KDM4C: variants seen among roughly 807,000 people sequenced by gnomAD.
The protein encoded by KDM4C is lysine-specific demethylase 4C.
A neutral mutation model predicts 129.3 loss-of-function variants in KDM4C; 81 were observed. The ratio of observed to expected loss-of-function variants is 0.63; its 90% confidence interval spans 0.52 to 0.75. KDM4C has a LOEUF of 0.75. Among genes scored for constraint, KDM4C ranks in the 30% least tolerant of loss-of-function variants. The pLI is 0.00. For synonymous variants in KDM4C, 573 were observed against 456.1 expected (o/e 1.26, Z -3.26); for missense variants, 1,457 against 1,304.0 (o/e 1.12, Z -1.81).
chr9:6,960,945 C>G (rs557117348), intron 8 of KDM4C, among the ~76,000 whole-genome samples: 1 of 152,178 alleles, frequency 6.6e-6, no homozygotes, highest in African/African-American at 2.4e-5. Flanking sequence ...AAAATGACAT[C>G]CATACACGCA....
chr9:6,845,997 A>T (rs1271039778), intron 4 of KDM4C, among the ~76,000 whole-genome samples: 1 of 152,178 alleles, frequency 6.6e-6, no homozygotes, highest in Non-Finnish European at 1.5e-5. Flanking sequence ...CTGCTTTTAC[A>T]CTAAATCATT....
intron 5 of KDM4C, among the ~76,000 whole-genome samples, chr9:6,871,029 G>T (rs528373415): frequency 1.2e-3 from 180 of 152,288 alleles, no homozygotes; most frequent in African/African-American, 4.1e-3. Flanking sequence ...TGTGACAGAC[G>T]TCTGGGCAGT....
At chr9:7,100,729 C>G (rs935263515) in intron 17 of KDM4C, among the ~76,000 whole-genome samples, 5 of 152,060 alleles carry the variant, frequency 3.3e-5, no homozygotes, top group African/African-American at 1.2e-4. Context: ...GTTTCTGCTG[C>G]TTTTAATTAT....
chr9:6,874,993 A>G (rs1041668063), intron 5 of KDM4C, among the ~76,000 whole-genome samples: 11 of 151,662 alleles, frequency 7.3e-5, no homozygotes, highest in Admixed American at 3.3e-4. Flanking sequence ...TGGGAGTTTG[A>G]CTGAAGTAGA....
chr9:6,945,482 C>A (rs1357241850), intron 8 of KDM4C, among the ~76,000 whole-genome samples: 1 of 152,048 alleles, frequency 6.6e-6, no homozygotes, highest in Non-Finnish European at 1.5e-5. Context: ...ATCTTGAACT[C>A]ATGATTAGGG....
intron 1 of KDM4C, among the ~76,000 whole-genome samples, chr9:6,745,283 G>A (rs932489906): frequency 6.6e-6 from 1 of 152,008 alleles, no homozygotes; most frequent in Non-Finnish European, 1.5e-5. Context: ...ATTTCCATCA[G>A]TATTTGTTAT....
chr9:7,120,345 G>C lies in KDM4C; in HGVS notation c.2611-7721G>C, dbSNP rs142028702. Among the ~76,000 whole-genome samples the C allele has an allele frequency of 3.7e-3, 569 of 152,154 alleles. 3 individuals carry two copies. The highest frequency in any genetic ancestry group is 0.013 in the African/African-American group (546 of 41,504). ...AATTTGGCTATTTATTTCAACATTGGTAGTCTTAGGAAAGCTAGAGAGTTT... is the reference window on the plus strand; with the variant it reads ...AATTTGGCTATTTATTTCAACATTGCTAGTCTTAGGAAAGCTAGAGAGTTT... On this transcript the variant is annotated intron_variant, in intron 18 of 21. Transcript: ENST00000381309.
intron 8 of KDM4C, among the ~76,000 whole-genome samples, chr9:6,970,643 C>T (rs993043064): frequency 2.6e-5 from 4 of 152,108 alleles, no homozygotes; most frequent in Non-Finnish European, 5.9e-5. Context: ...TTATATGGAT[C>T]AGGTGTGATA....
chr9:6,949,713 G>C (rs1211697959), intron 8 of KDM4C, among the ~76,000 whole-genome samples: 1 of 152,138 alleles, frequency 6.6e-6, no homozygotes, highest in Non-Finnish European at 1.5e-5. Context: ...GTGGCGGCGC[G>C]CGCCTGCAAT....
chr9:6,882,821 C>T (rs1844677751), intron 6 of KDM4C, among the ~76,000 whole-genome samples: 1 of 151,746 alleles, frequency 6.6e-6, no homozygotes, highest in Admixed American at 6.6e-5. Context: ...TGTGCACGTG[C>T]ACGCACATTG....
chr9:6,923,520 A>C (rs1234833833), intron 8 of KDM4C, among the ~76,000 whole-genome samples: 1 of 152,182 alleles, frequency 6.6e-6, no homozygotes, highest in Non-Finnish European at 1.5e-5. Flanking sequence ...GATTACAATG[A>C]CAGAATGAAG....
intron 17 of KDM4C, among the ~76,000 whole-genome samples, chr9:7,062,549 AG>A (rs1216140154): frequency 2.6e-5 from 4 of 151,504 alleles, no homozygotes; most frequent in African/African-American, 9.7e-5. Context: ...TACTATTTCC[AG>A]CTAATTTTTT....
chr9:7,092,808 T>C (rs1388123697), intron 17 of KDM4C, among the ~76,000 whole-genome samples: 1 of 152,190 alleles, frequency 6.6e-6, no homozygotes, highest in East Asian at 1.9e-4. Flanking sequence ...TTTTAGAGTA[T>C]GAACGTGTTC....
At chr9:6,746,612 C>T (rs1329296846) in intron 1 of KDM4C, among the ~76,000 whole-genome samples, 2 of 150,320 alleles carry the variant, frequency 1.3e-5, no homozygotes, top group African/African-American at 4.9e-5. Context: ...AAGTGTGGTG[C>T]CTCACGCCCG....
intron 1 of KDM4C, among the ~76,000 whole-genome samples, chr9:6,792,652 G>A (rs1475094886): frequency 6.6e-6 from 1 of 152,118 alleles, no homozygotes; most frequent in Non-Finnish European, 1.5e-5. Context: ...CCCCCAAAGT[G>A]CTGAGATTAC....
At chr9:6,801,533 A>T (rs1828968434) in intron 2 of KDM4C, among the ~76,000 whole-genome samples, 1 of 151,088 alleles carries the variant, frequency 6.6e-6, no homozygotes, top group Non-Finnish European at 1.5e-5. Context: ...TACCGTGCCC[A>T]GCCTGACCTT....
chr9:6,721,044 G>T, intron 1 of KDM4C: 1 of 1,493,170 alleles, frequency 6.7e-7, no homozygotes, highest in Non-Finnish European at 9.1e-7. Flanking sequence ...TACATAGTTG[G>T]TGGTTCTGTC....
intron 17 of KDM4C, among the ~76,000 whole-genome samples, chr9:7,084,579 C>G (rs931999344): frequency 1.3e-5 from 2 of 152,142 alleles, no homozygotes; most frequent in Admixed American, 6.5e-5. Flanking sequence ...TCAATGATTC[C>G]CAGTGCTACA....
chr9:6,960,995 A>G (rs939352083), intron 8 of KDM4C, among the ~76,000 whole-genome samples: 4 of 152,230 alleles, frequency 2.6e-5, no homozygotes, highest in African/African-American at 9.6e-5. Context: ...CATGGGGTTC[A>G]GTGATGGAGA....
Sources: gnomAD v4.1 joint callset for allele counts (sites outside exome capture counted in the v4.1 genomes callset) on GRCh38, gnomAD v4.1.1 for gene constraint, MANE v1.5 for transcripts, NCBI Gene and HGNC (gene_info 2026-07-23, HGNC 2026-07-21) for gene names.